Variants in CELF2 observed in about 807,000 individuals in gnomAD.
The protein encoded by CELF2 is CUG triplet repeat RNA-binding protein 2.
CELF2 carries 8 observed loss-of-function variants against 62.6 expected under a neutral mutation model. The ratio of observed to expected loss-of-function variants is 0.13; its 90% CI spans 0.07 to 0.23. CELF2 has a LOEUF of 0.23. CELF2 is among the 10% of genes least tolerant of loss of function. The probability of loss-of-function intolerance (pLI) is 1.00; values close to 1 mark genes in which losing one functional copy is unlikely to be tolerated. For missense variants in CELF2, 333 were observed against 671.0 expected, an observed-to-expected ratio of 0.50 and a Z score of 5.56; for synonymous variants, 258 against 250.0, an observed-to-expected ratio of 1.03 and a Z score of -0.30.
chr10:10,677,619 C>A, the CELF2 span, among the ~76,000 whole-genome samples: 1 of 152,204 alleles, frequency 6.6e-6, no homozygotes, highest in Non-Finnish European at 1.5e-5. Flanking sequence ...GATTTGAGAT[C>A]CTCCATTAGT....
chr10:10,470,283 T>G, the CELF2 span, among the ~76,000 whole-genome samples: 1 of 151,856 alleles, frequency 6.6e-6, no homozygotes, highest in African/African-American at 2.4e-5. Flanking sequence ...CCCCTTTTTT[T>G]TAAAATGAGT....
intron 1 of CELF2, among the ~76,000 whole-genome samples, chr10:10,852,796 AACAC>A (rs1300789773): frequency 6.6e-6 from 1 of 152,174 alleles, no homozygotes; most frequent in African/African-American, 2.4e-5. Context: ...GAAAACTTTA[AACAC>A]ACACACACCA....
intron 1 of CELF2, among the ~76,000 whole-genome samples, chr10:10,880,374 T>A (rs2061372003): frequency 6.6e-6 from 1 of 152,192 alleles, no homozygotes; most frequent in Non-Finnish European, 1.5e-5. Context: ...TACCATGATT[T>A]GGAGGCCTGA....
At chr10:10,698,429 CA>C in the CELF2 span, among the ~76,000 whole-genome samples, 3 of 152,164 alleles carry the variant, frequency 2.0e-5, no homozygotes, top group Non-Finnish European at 4.4e-5. Context: ...ATAAGAAAGA[CA>C]AAACCTATGA....
intron 1 of CELF2, among the ~76,000 whole-genome samples, chr10:11,100,342 A>T (rs2051217702): frequency 6.6e-6 from 1 of 152,108 alleles, no homozygotes; most frequent in South Asian, 2.1e-4. Context: ...GCCCTTTTCC[A>T]TTCCTAGGAA....
rs1273979390 is a variant in CELF2 at position 10,995,324 on chromosome 10, T to C, written c.89+75325T>C. ...CTTTGTATCTCCTTTTCTCCTGAGA[T>C]GATGTCATCGAATTAATCATATGTT... On this transcript the variant is annotated intron_variant, in intron 2 of 13. Transcript: ENST00000636488. This position sits in a 1 kb window ranked among gnomAD's most constrained non-coding sequence, Gnocchi z 4.7. 6.6e-6 allele frequency among the ~76,000 whole-genome samples: 1 copy of C among 152,250 alleles called. No individual in the cohort carries two copies. The highest frequency in any genetic ancestry group is 1.5e-5 in the Non-Finnish European group (1 of 68,044).
the CELF2 span, among the ~76,000 whole-genome samples, chr10:10,551,787 T>G: frequency 6.6e-6 from 1 of 152,092 alleles, no homozygotes. Flanking sequence ...GGTTTTCAGG[T>G]GCTTTCCAAT....
the CELF2 span, among the ~76,000 whole-genome samples, chr10:10,627,575 T>A: frequency 6.6e-6 from 1 of 152,194 alleles, no homozygotes; most frequent in Non-Finnish European, 1.5e-5. Flanking sequence ...CATTTGAGCT[T>A]CACCACTGGC....
the CELF2 span, among the ~76,000 whole-genome samples, chr10:10,740,153 C>CTTTTTTTTTTT: frequency 1.1e-5 from 1 of 94,484 alleles, no homozygotes; most frequent in African/African-American, 4.5e-5. Flanking sequence ...GTTGCCTGTG[C>CTTTTTTTTTTT]TTTTTTTTTT....
the CELF2 span, among the ~76,000 whole-genome samples, chr10:10,626,728 A>G: frequency 2.6e-5 from 4 of 152,188 alleles, no homozygotes; most frequent in Non-Finnish European, 5.9e-5. Flanking sequence ...GGTGTACTTC[A>G]TTGACACCTT....
At chr10:11,310,630 G>C (rs998944970) in intron 9 of CELF2, among the ~76,000 whole-genome samples, 7 of 151,606 alleles carry the variant, frequency 4.6e-5, no homozygotes, top group African/African-American at 1.2e-4. Context: ...GGCCTTTTTT[G>C]CTGGTTTAGA....
the CELF2 span, among the ~76,000 whole-genome samples, chr10:10,540,480 C>G: frequency 6.6e-6 from 1 of 152,296 alleles, no homozygotes; most frequent in Admixed American, 6.5e-5. Flanking sequence ...CTGGCTTTGC[C>G]TTTTCACAGA....
At chr10:10,607,292 T>A in the CELF2 span, among the ~76,000 whole-genome samples, 1 of 152,070 alleles carries the variant, frequency 6.6e-6, no homozygotes, top group Non-Finnish European at 1.5e-5. Flanking sequence ...ACATTTTATT[T>A]ATGTAAAGAA....
chr10:10,512,447 C>T, the CELF2 span, among the ~76,000 whole-genome samples: 1 of 132,676 alleles, frequency 7.5e-6, no homozygotes, highest in African/African-American at 2.8e-5. Flanking sequence ...TGCTCTGTTG[C>T]CTAGGCTGGA....
At chr10:10,861,372 C>T (rs1372917740) in intron 1 of CELF2, among the ~76,000 whole-genome samples, 2 of 152,146 alleles carry the variant, frequency 1.3e-5, no homozygotes, top group African/African-American at 4.8e-5. Context: ...CTGTGCCTGG[C>T]CAAGAATGTA....
rs1224902465 is a variant in CELF2 at position 11,156,674 on chromosome 10, C to T, written c.75-8812C>T. ...ATGATTAAGTGAATGAATGAGACAT[C>T]CCTGTCTTCAGGATGTCACACTTCC... On this transcript the variant is annotated intron_variant, in intron 1 of 12. Coordinates refer to ENST00000633077, the MANE Select transcript of CELF2 (RefSeq NM_001326342.2). This position sits in a 1 kb window ranked among gnomAD's most constrained non-coding sequence, Gnocchi z 4.3. Among the ~76,000 whole-genome samples the T allele has an allele frequency of 6.6e-6, 1 of 152,180 alleles. No homozygotes were observed. The highest frequency in any genetic ancestry group is 1.5e-5 in the Non-Finnish European group (1 of 68,026).
At chr10:11,135,127 C>A (rs1019563896) in intron 1 of CELF2, among the ~76,000 whole-genome samples, 4 of 152,150 alleles carry the variant, frequency 2.6e-5, no homozygotes, top group Admixed American at 1.3e-4. Flanking sequence ...GGTCCCGACT[C>A]CCTGTGTTTT....
chr10:10,656,102 CA>C, the CELF2 span, among the ~76,000 whole-genome samples: 1 of 146,950 alleles, frequency 6.8e-6, no homozygotes, highest in African/African-American at 2.5e-5. Flanking sequence ...TTTATGCAGC[CA>C]AAAAACACAT....
intron 1 of CELF2, among the ~76,000 whole-genome samples, chr10:10,818,868 A>G (rs991213134): frequency 5.3e-5 from 8 of 152,138 alleles, no homozygotes; most frequent in Non-Finnish European, 1.0e-4. Context: ...ATGAGCCACC[A>G]TGCCCAGACA....
Sources: gnomAD v4.1 joint callset for allele counts (sites outside exome capture counted in the v4.1 genomes callset) on GRCh38, gnomAD v4.1.1 for gene constraint, Gnocchi (gnomAD v3.1) non-coding constraint, MANE v1.5 for transcripts, NCBI Gene and HGNC (gene_info 2026-07-23, HGNC 2026-07-21) for gene names.